The following TP53BP1 variants were observed in gnomAD, a reference collection of about 807,000 sequenced individuals.
TP53BP1 encodes TP53-binding protein 1.
TP53BP1 carries 61 observed loss-of-function variants against 200.8 expected under a neutral mutation model. That is an observed-to-expected ratio of 0.30 (90% confidence interval 0.25 to 0.38). The LOEUF (loss-of-function observed/expected upper bound fraction) is 0.38, where lower values mean the gene tolerates loss of function less well. TP53BP1 is among the 10% of genes least tolerant of loss of function. TP53BP1 has a pLI of 1.00. For synonymous variants in TP53BP1, 822 were observed against 844.3 expected, an observed-to-expected ratio of 0.97 and a Z score of 0.46; for missense variants, 2,144 against 2,371.9, an observed-to-expected ratio of 0.90 and a Z score of 2.00.
At chr15:43,433,959 C>T (rs866796318) in intron 16 of TP53BP1, among the ~76,000 whole-genome samples, 1 of 152,176 alleles carries the variant, frequency 6.6e-6, no homozygotes, top group Non-Finnish European at 1.5e-5. Flanking sequence ...GATTGCTCTG[C>T]TCTAGATCTT....
Position 43,407,930 on chromosome 15 carries a change from CTCTT to C in TP53BP1, c.5746+9_5746+12del, listed in dbSNP as rs1056150239. On this transcript the variant is annotated intron_variant, in intron 27 of 27. Transcript: ENST00000382044. Reference sequence around the variant, plus strand: ...CCCTGGAACAAAGACACTACACACACTCTTTCAGGTACCTTTGTTATGGGCACTT... The same window carrying C: ...CCCTGGAACAAAGACACTACACACACTCAGGTACCTTTGTTATGGGCACTT... The C allele has an allele frequency of 5.0e-6, 8 of 1,607,954 alleles. No individual in the cohort carries two copies. The highest frequency in any genetic ancestry group is 1.3e-5 in the African/African-American group (1 of 74,884).
Position 43,435,769 on chromosome 15 carries a change from C to A in TP53BP1, c.3191+2555G>T, listed in dbSNP as rs1387244094. Among the ~76,000 whole-genome samples, 5 of 152,094 alleles carry A rather than the reference C, an allele frequency of 3.3e-5. No homozygotes were observed. The East Asian group carries it at 9.7e-4, about 29-fold the overall frequency. ...GTAGTGCAGTGGCACCATCTTGGCT[C>A]ACTGCAACCTCCTCCTCCAGGGTTC... On this transcript the variant is annotated intron_variant, in intron 16 of 27. Transcript: ENST00000382044.
In TP53BP1 at chr15:43,409,656, A is replaced by G; in HGVS notation, c.5391T>C (p.Asn1797=). The G allele has an allele frequency of 6.5e-7, 1 of 1,540,800 alleles. No individual in the cohort carries two copies. Among genetic ancestry groups the G allele is most frequent in the South Asian group, 1.3e-5 (1 of 79,718 alleles). Residue 1797 remains asparagine, a synonymous_variant, in exon 25 of 28, where the codon AAT becomes AAC. Transcript: ENST00000382044. ...AGAGYILEDF[N]EAQCNTAYQC... is the part of the protein sequence containing the mutation. ...CAAAGAAACTCCTCACCTGGGCTTCATTGAAATCTTCAAGGATATAGCCAG... is the reference window on the plus strand; with the variant it reads ...CAAAGAAACTCCTCACCTGGGCTTCGTTGAAATCTTCAAGGATATAGCCAG...
intron 11 of TP53BP1, among the ~76,000 whole-genome samples, chr15:43,462,876 G>A (rs951942681): frequency 2.0e-5 from 3 of 152,138 alleles, no homozygotes; most frequent in African/African-American, 7.2e-5. Context: ...GGCCAACATG[G>A]TGAAACCCCA....
chr15:43,456,077 C>T lies in TP53BP1; in HGVS notation c.2531G>A (p.Arg844Lys). 1 of 1,614,198 alleles carries T rather than the reference C, an allele frequency of 6.2e-7. No individual in the cohort carries two copies. Among genetic ancestry groups the T allele is most frequent in the Non-Finnish European group, 8.5e-7 (1 of 1,180,038 alleles). The change falls in exon 12 of 28, where the codon AGA (arginine) becomes AAA (lysine). Residue 844 changes from arginine (R) to lysine (K), a missense_variant. Transcript: ENST00000382044. Reference protein sequence around the residue: ...DSSQPSLPLVRADDPLRLDQE... With the variant: ...DSSQPSLPLVKADDPLRLDQE... ...GTCAAGTCTTAAAGGATCATCTGCT[C>T]TCACTAAAGGTAAGGAAGGCTGTGA...
chr15:43,473,106 G>A (rs1226327982), intron 10 of TP53BP1, among the ~76,000 whole-genome samples: 1 of 152,110 alleles, frequency 6.6e-6, no homozygotes, highest in African/African-American at 2.4e-5. Context: ...CAGTGGGCTC[G>A]TGGTCTCGCT....
rs938565935 is a variant in TP53BP1, at chr15:43,432,304, T to C, written c.3565A>G (p.Thr1189Ala). ...TGCTTTCCAAAGTTCTGGTCCACTG[T>C]ACTGGTCCCCTGCTCACACACATTC... Reference protein sequence around the residue: ...IKNVCEQGTSTVDQNFGKQDA... With the variant: ...IKNVCEQGTSAVDQNFGKQDA... The change falls in exon 17 of 28, where the codon ACA becomes GCA. Residue 1189 changes from threonine (T) to alanine (A), a missense_variant. Thr to Ala is a moderately conservative substitution (Grantham distance 58, BLOSUM62 0). This residue lies in a region of TP53BP1 where 1,700 missense variants were observed against 1,710.3 expected (regional missense o/e 0.99). Transcript: ENST00000382044. 1.2e-6 allele frequency: 2 copies of C among 1,614,210 alleles called. No homozygotes were observed. Among genetic ancestry groups the C allele is most frequent in the African/African-American group, 1.3e-5 (1 of 75,052 alleles).
chr15:43,481,685 T>C (rs1034009834), intron 4 of TP53BP1, among the ~76,000 whole-genome samples: 1 of 149,874 alleles, frequency 6.7e-6, no homozygotes, highest in Non-Finnish European at 1.5e-5. Context: ...TGTGGTGGCA[T>C]GCGCCTGTAG....
intron 15 of TP53BP1, among the ~76,000 whole-genome samples, chr15:43,440,055 AG>A (rs149333517): frequency 5.8e-4 from 89 of 152,348 alleles, no homozygotes; most frequent in African/African-American, 2.0e-3. Flanking sequence ...ACAGATCAAA[AG>A]ACTTTGAAAA....
chr15:43,498,633 T>C (rs1399144308), intron 1 of TP53BP1, among the ~76,000 whole-genome samples: 1 of 152,168 alleles, frequency 6.6e-6, no homozygotes, highest in African/African-American at 2.4e-5. Flanking sequence ...GACAAAACCA[T>C]TAAATGTAAC....
intron 4 of TP53BP1, among the ~76,000 whole-genome samples, chr15:43,482,393 C>T (rs2078985109): frequency 1.3e-5 from 2 of 151,892 alleles, no homozygotes; most frequent in Non-Finnish European, 2.9e-5. Context: ...CCCAGCACTT[C>T]GGGAGGCCGA....
chr15:43,508,828 T>A (rs940749341), intron 1 of TP53BP1, among the ~76,000 whole-genome samples: 3 of 152,164 alleles, frequency 2.0e-5, no homozygotes, highest in African/African-American at 7.2e-5. Context: ...TTTAGTACTA[T>A]CATAATCTAC....
chr15:43,406,612 G>C lies in TP53BP1; in HGVS notation c.*771C>G, dbSNP rs1296662377. 1.5e-5 allele frequency: 7 copies of C among 455,840 alleles called. No homozygotes were observed. Among genetic ancestry groups the C allele is most frequent in the Admixed American group, 7.1e-5 (3 of 42,546 alleles). The allele number at this position is 455,840 out of a possible 1,614,324, so 28.2% of individuals were successfully genotyped here. A position where few individuals can be genotyped will look rare whatever the true frequency, so the allele number is the denominator to read the frequency against. ...TTGACCCTTTACAGAAAAAAACCTT[G>C]TTGACCCCTGCTTTAGAGAATGAGA... On this transcript the variant is annotated 3_prime_UTR_variant, in exon 28 of 28. Coordinates refer to ENST00000382044, the MANE Select transcript of TP53BP1 (RefSeq NM_001141980.3).
intron 12 of TP53BP1, among the ~76,000 whole-genome samples, chr15:43,454,640 G>C (rs1389845772): frequency 1.3e-5 from 2 of 152,170 alleles, no homozygotes; most frequent in East Asian, 3.9e-4. Context: ...TGGGATTACA[G>C]GCGTGAGCCA....
chr15:43,478,233 C>A (rs1176632991), intron 7 of TP53BP1, among the ~76,000 whole-genome samples: 1 of 152,168 alleles, frequency 6.6e-6, no homozygotes, highest in African/African-American at 2.4e-5. Flanking sequence ...AAACCCCAAA[C>A]CAATTCTCCT....
chr15:43,486,722 T>C lies in TP53BP1; in HGVS notation c.371+4947A>G, dbSNP rs923163272. 4.6e-5 allele frequency among the ~76,000 whole-genome samples: 7 copies of C among 152,176 alleles called. 1 individual carries two copies. The Middle Eastern group carries it at 0.01, about 223-fold the overall frequency. ...CGCTGCAACCTCTGCTTCCCAGGCT[T>C]AAGCGATCCTCCCACCTCAGCCTCC... On this transcript the variant is annotated intron_variant, in intron 4 of 27. Transcript: ENST00000382044.
At chr15:43,416,447 C>T (rs1318624925) in intron 21 of TP53BP1, 31 bp from the exon 22 acceptor site, 3 of 1,605,926 alleles carry the variant, frequency 1.9e-6, no homozygotes, top group East Asian at 4.5e-5. Context: ...AAGAAGCTTG[C>T]TGTTGTCTTA....
chr15:43,460,931 G>A (rs1326080261), intron 11 of TP53BP1, among the ~76,000 whole-genome samples: 1 of 151,332 alleles, frequency 6.6e-6, no homozygotes, highest in Non-Finnish European at 1.5e-5. Context: ...GAGCCTGGAT[G>A]GTTAAGGCTG....
At chr15:43,419,534 T>G (rs567188516) in intron 21 of TP53BP1, among the ~76,000 whole-genome samples, 1 of 140,990 alleles carries the variant, frequency 7.1e-6, no homozygotes, top group Admixed American at 7.3e-5. Flanking sequence ...TAATTTATGT[T>G]CCTTTTTTTT....
Sources: gnomAD v4.1 joint callset for allele counts (sites outside exome capture counted in the v4.1 genomes callset) on GRCh38, gnomAD v4.1.1 for gene constraint, gnomAD v4.1.1 regional missense constraint, MANE v1.5 for transcripts, NCBI Gene and HGNC (gene_info 2026-07-23, HGNC 2026-07-21) for gene names.